Variants in SGCZ observed in about 807,000 individuals in gnomAD.
The protein encoded by SGCZ is zeta-sarcoglycan.
SGCZ carries 40 observed loss-of-function variants against 41.3 expected under a neutral mutation model. The observed-to-expected ratio is 0.97, with a 90% CI of 0.75 to 1.26. The LOEUF is 1.26. Among genes scored for constraint, SGCZ ranks in the 50% most tolerant of loss-of-function variants. The pLI is 0.00. For missense variants in SGCZ, 552 were observed against 369.8 expected (o/e 1.49, Z -4.04); for synonymous variants, 206 against 137.5 (o/e 1.50, Z -3.49).
At position 15,018,388 on chromosome 8, in the gene SGCZ, G is replaced by A. The variant is rs531717299; in HGVS notation, c.39+219197C>T. Among the ~76,000 whole-genome samples the A allele has an allele frequency of 2.6e-5, 4 of 152,308 alleles. No individual in the cohort carries two copies. The South Asian group carries it at 8.3e-4, about 32-fold the overall frequency. ...CAAATAAGCAAGAAAATACCAGGGA[G>A]TAATCAGTATTACAGTGAAATATGT... On this transcript the variant is annotated intron_variant, in intron 1 of 7. Coordinates refer to ENST00000382080, the MANE Select transcript of SGCZ (RefSeq NM_139167.4).
At chr8:15,021,276 A>G (rs968234639) in intron 1 of SGCZ, among the ~76,000 whole-genome samples, 2 of 152,216 alleles carry the variant, frequency 1.3e-5, no homozygotes, top group African/African-American at 4.8e-5. Flanking sequence ...ATTTGATTAT[A>G]TCTGACTAAT....
At chr8:14,503,752 G>C (rs1342877306) in intron 2 of SGCZ, among the ~76,000 whole-genome samples, 1 of 152,114 alleles carries the variant, frequency 6.6e-6, no homozygotes, top group African/African-American at 2.4e-5. Context: ...TGGTGACAGA[G>C]CAAGACTCCA....
At chr8:14,122,843 G>A in intron 5 of SGCZ, among the ~76,000 whole-genome samples, 1 of 152,028 alleles carries the variant, frequency 6.6e-6, no homozygotes, top group Middle Eastern at 3.4e-3. Flanking sequence ...ACATCTTAAA[G>A]GTTTCTATTT....
At chr8:14,505,056 T>C (rs1247036811) in intron 2 of SGCZ, among the ~76,000 whole-genome samples, 1 of 152,106 alleles carries the variant, frequency 6.6e-6, no homozygotes, top group Non-Finnish European at 1.5e-5. Context: ...GGCTGAGGCA[T>C]GAGAATGGCT....
intron 1 of SGCZ, among the ~76,000 whole-genome samples, chr8:14,752,553 G>A (rs1318802976): frequency 6.6e-6 from 1 of 152,054 alleles, no homozygotes; most frequent in Non-Finnish European, 1.5e-5. Flanking sequence ...TAAGCTCTGT[G>A]ACAGTACGCA....
chr8:14,900,988 C>A (rs1337535466), intron 1 of SGCZ, among the ~76,000 whole-genome samples: 1 of 152,128 alleles, frequency 6.6e-6, no homozygotes, highest in Admixed American at 6.6e-5. Flanking sequence ...ATAGCTCAGG[C>A]TTTGAGGTTT....
At chr8:14,536,091 T>A (rs1252918627) in intron 2 of SGCZ, among the ~76,000 whole-genome samples, 1 of 151,808 alleles carries the variant, frequency 6.6e-6, no homozygotes, top group Admixed American at 6.6e-5. Context: ...AAATAAACAC[T>A]AAGTCTCAAA....
chr8:14,455,311 A>G (rs1320298086), intron 2 of SGCZ, among the ~76,000 whole-genome samples: 1 of 152,214 alleles, frequency 6.6e-6, no homozygotes, highest in Non-Finnish European at 1.5e-5. Flanking sequence ...AATTTAAAAC[A>G]TAACTAAGGT....
At chr8:14,932,285 T>A (rs1354038073) in intron 1 of SGCZ, among the ~76,000 whole-genome samples, 1 of 152,006 alleles carries the variant, frequency 6.6e-6, no homozygotes, top group Non-Finnish European at 1.5e-5. Flanking sequence ...TCTTTTGTTA[T>A]AAAACTTCTC....
At chr8:14,340,633 A>G (rs989045322) in intron 2 of SGCZ, among the ~76,000 whole-genome samples, 2 of 152,176 alleles carry the variant, frequency 1.3e-5, no homozygotes, top group African/African-American at 4.8e-5. Flanking sequence ...ATGAGTTTAT[A>G]GAATGTTCAA....
intron 1 of SGCZ, among the ~76,000 whole-genome samples, chr8:14,987,714 C>CA (rs1390896251): frequency 5.3e-5 from 8 of 151,852 alleles, no homozygotes; most frequent in African/African-American, 1.9e-4. Flanking sequence ...TATTAATGAA[C>CA]ACAATGTAAT....
rs146889985 is a variant in SGCZ, at chr8:14,330,137, A to G, written c.235-5933T>C. 1.5e-3 allele frequency among the ~76,000 whole-genome samples: 222 copies of G among 152,228 alleles called. 4 individuals carry two copies. The highest frequency in any genetic ancestry group is 5.1e-3 in the African/African-American group (213 of 41,550). Reference sequence around the variant, plus strand: ...ATGCTCTATTAGTATTTCTTATAAAATGTATCATATTCTGATTCTAATTTT... The same window carrying G: ...ATGCTCTATTAGTATTTCTTATAAAGTGTATCATATTCTGATTCTAATTTT... On this transcript the variant is annotated intron_variant, in intron 2 of 7. Transcript: ENST00000382080.
intron 1 of SGCZ, among the ~76,000 whole-genome samples, chr8:14,730,520 C>A (rs938175391): frequency 2.2e-4 from 34 of 151,872 alleles, no homozygotes; most frequent in Non-Finnish European, 3.1e-4. Context: ...CAATACGTGA[C>A]AATGAACTCA....
intron 1 of SGCZ, among the ~76,000 whole-genome samples, chr8:14,579,406 C>T (rs899444265): frequency 6.6e-6 from 1 of 152,112 alleles, no homozygotes; most frequent in Admixed American, 6.6e-5. Context: ...ATGACTCACA[C>T]CCTTAATACA....
intron 1 of SGCZ, among the ~76,000 whole-genome samples, chr8:14,769,723 A>C (rs1364914504): frequency 7.0e-6 from 1 of 143,586 alleles, no homozygotes; most frequent in Non-Finnish European, 1.5e-5. Context: ...TAAACCTGGG[A>C]GGCAGAGGTT....
intron 3 of SGCZ, among the ~76,000 whole-genome samples, chr8:14,260,206 G>C (rs1254132734): frequency 6.6e-6 from 1 of 151,962 alleles, no homozygotes; most frequent in African/African-American, 2.4e-5. Flanking sequence ...ATCTGACAAA[G>C]GGCTAATATC....
chr8:14,188,219 T>C (rs1189685291), intron 4 of SGCZ, among the ~76,000 whole-genome samples: 1 of 152,246 alleles, frequency 6.6e-6, no homozygotes, highest in Non-Finnish European at 1.5e-5. Context: ...AAGTACATTC[T>C]GAAAGTAATT....
At chr8:15,235,038 A>T (rs1802077392) in intron 1 of SGCZ, among the ~76,000 whole-genome samples, 1 of 152,236 alleles carries the variant, frequency 6.6e-6, no homozygotes, top group South Asian at 2.1e-4. Flanking sequence ...GATGATAAGA[A>T]AAGTCAAAAC....
chr8:14,913,562 A>G (rs1799339985), intron 1 of SGCZ, among the ~76,000 whole-genome samples: 2 of 152,092 alleles, frequency 1.3e-5, no homozygotes, highest in Non-Finnish European at 2.9e-5. Context: ...CTATGTTAAG[A>G]TGTCTCTGCA....
Sources: allele counts gnomAD v4.1 joint callset (sites outside exome capture counted in the v4.1 genomes callset), GRCh38; gene constraint gnomAD v4.1.1; transcripts MANE v1.5; gene names NCBI Gene and HGNC (gene_info 2026-07-23, HGNC 2026-07-21).